Variants in FMN1 observed in about 807,000 individuals in gnomAD.
FMN1 encodes the protein formin 1.
FMN1 carries 110 observed loss-of-function variants against 132.4 expected under a neutral mutation model. The observed-to-expected ratio is 0.83, with a 90% CI of 0.71 to 0.97. FMN1 has a LOEUF of 0.97. FMN1 is among the 50% of genes least tolerant of loss of function. FMN1 has a pLI of 0.00. For missense variants in FMN1, 1,792 were observed against 1,705.3 expected (o/e 1.05, Z -0.90); for synonymous variants, 722 against 651.7 (o/e 1.11, Z -1.64).
chr15:32,794,576 A>G (rs2057213067), intron 19 of FMN1, among the ~76,000 whole-genome samples: 1 of 143,842 alleles, frequency 7.0e-6, no homozygotes, highest in Non-Finnish European at 1.6e-5. Context: ...GCCAAAAAAA[A>G]TAAAAAATAA....
At chr15:33,066,961 G>A in intron 5 of FMN1, 1 of 1,613,902 alleles carries the variant, frequency 6.2e-7, no homozygotes, top group Non-Finnish European at 8.5e-7. Context: ...GCGTCAATTT[G>A]AGCAAAGCTA....
intron 6 of FMN1, among the ~76,000 whole-genome samples, chr15:33,019,243 T>A (rs1285034174): frequency 6.6e-6 from 1 of 152,160 alleles, no homozygotes; most frequent in Admixed American, 6.5e-5. Context: ...CCCACTAGAT[T>A]AGCTAGATAC....
chr15:32,881,882 T>A (rs1050754244), intron 16 of FMN1, among the ~76,000 whole-genome samples: 2 of 152,290 alleles, frequency 1.3e-5, no homozygotes, highest in South Asian at 4.1e-4. Context: ...ATGGAAGAGA[T>A]AACAAAACCT....
At chr15:33,018,674 A>C (rs970051257) in intron 6 of FMN1, among the ~76,000 whole-genome samples, 2 of 152,042 alleles carry the variant, frequency 1.3e-5, no homozygotes, top group African/African-American at 4.8e-5. Flanking sequence ...GGTCTCACTG[A>C]CTTCAAGAAT....
rs1323941124 is a variant in FMN1, at chr15:32,769,791, A to G, written c.*4519T>C. 2.0e-5 allele frequency: 3 copies of G among 152,232 alleles called. No individual in the cohort carries two copies. Among genetic ancestry groups the G allele is most frequent in the Non-Finnish European group, 2.9e-5 (2 of 68,042 alleles). 9.4% of individuals were successfully genotyped at this position (152,232 alleles called of 1,614,324 possible). A position where few individuals can be genotyped will look rare whatever the true frequency, so the allele number is the denominator to read the frequency against. The stretch of plus-strand genomic sequence containing the variant: ...GAGGTCAAAGTAGCAGACATGAATG[A>G]AAGTTCACTTCTTTATTCTCTCCAC... On this transcript the variant is annotated 3_prime_UTR_variant, in exon 21 of 21. Transcript: ENST00000616417.
chr15:32,964,309 G>GT, intron 8 of FMN1, 52 bp from the exon 9 acceptor site: 1 of 1,250,194 alleles, frequency 8.0e-7, no homozygotes, highest in Non-Finnish European at 1.1e-6. Context: ...AGGAAGGAAT[G>GT]TAATACAATG....
At chr15:32,926,324 C>T (rs1318806013) in intron 9 of FMN1, 63 bp from the exon 10 acceptor site, 7 of 918,244 alleles carry the variant, frequency 7.6e-6, no homozygotes, top group Non-Finnish European at 9.8e-6. Context: ...TTTCAGGACG[C>T]ACACCAAAAA....
intron 9 of FMN1, among the ~76,000 whole-genome samples, chr15:32,954,911 ATGAGAATTGCT>A (rs1201550994): frequency 6.6e-6 from 1 of 152,200 alleles, no homozygotes; most frequent in Non-Finnish European, 1.5e-5. Context: ...AGGCTGAGGC[ATGAGAATTGCT>A]TGATGAACCT....
chr15:32,862,929 T>C (rs2059307131), intron 16 of FMN1, among the ~76,000 whole-genome samples: 1 of 152,228 alleles, frequency 6.6e-6, no homozygotes, highest in Non-Finnish European at 1.5e-5. Context: ...GCGCCAGTTC[T>C]GCCTCTTCCT....
chr15:33,078,677 A>G (rs2038323078), intron 5 of FMN1, among the ~76,000 whole-genome samples: 4 of 151,914 alleles, frequency 2.6e-5, no homozygotes, highest in Admixed American at 2.6e-4. Context: ...CATAAAAACC[A>G]GAACTTTATG....
intron 16 of FMN1, among the ~76,000 whole-genome samples, chr15:32,884,911 G>T (rs2059858880): frequency 1.3e-5 from 2 of 152,220 alleles, no homozygotes; most frequent in African/African-American, 4.8e-5. Flanking sequence ...AACACCGGCT[G>T]ATTATACAGG....
chr15:32,984,582 A>G (rs1176528088), intron 7 of FMN1, among the ~76,000 whole-genome samples: 2 of 152,188 alleles, frequency 1.3e-5, no homozygotes, highest in African/African-American at 4.8e-5. Context: ...TGAAGGATTA[A>G]TATCATATTG....
intron 6 of FMN1, among the ~76,000 whole-genome samples, chr15:33,049,061 C>T (rs1214798186): frequency 6.6e-6 from 1 of 152,194 alleles, no homozygotes. Flanking sequence ...AAGGTTTCAA[C>T]AAGTTGTGGA....
At chr15:33,121,951 A>G (rs1025842659) in intron 4 of FMN1, among the ~76,000 whole-genome samples, 7 of 152,250 alleles carry the variant, frequency 4.6e-5, no homozygotes, top group African/African-American at 1.4e-4. Context: ...TTGTGTTACC[A>G]ATTAATTCAT....
At chr15:33,155,811 G>A (rs1229794149) in intron 3 of FMN1, among the ~76,000 whole-genome samples, 5 of 152,068 alleles carry the variant, frequency 3.3e-5, no homozygotes, top group Admixed American at 2.0e-4. Context: ...CCACAGAAAC[G>A]GCTGAAATGT....
intron 4 of FMN1, among the ~76,000 whole-genome samples, chr15:33,123,087 T>C (rs2339190): frequency 0.12 from 17,458 of 150,710 alleles, 3,024 homozygotes; most frequent in African/African-American, 0.38. Context: ...AAGCCCAAAT[T>C]GTAGAATCAT....
At chr15:32,929,587 T>C (rs185441808) in intron 9 of FMN1, among the ~76,000 whole-genome samples, 1 of 152,300 alleles carries the variant, frequency 6.6e-6, no homozygotes, top group Non-Finnish European at 1.5e-5. Flanking sequence ...AGATTTCCAA[T>C]TCGCCGTTGT....
intron 4 of FMN1, among the ~76,000 whole-genome samples, chr15:33,109,264 A>T (rs1030174719): frequency 6.6e-6 from 1 of 152,118 alleles, no homozygotes; most frequent in African/African-American, 2.4e-5. Context: ...ATAGAAATCC[A>T]CTATAGTTTC....
intron 4 of FMN1, among the ~76,000 whole-genome samples, chr15:33,118,230 G>C (rs2040001625): frequency 6.6e-6 from 1 of 152,150 alleles, no homozygotes; most frequent in African/African-American, 2.4e-5. Flanking sequence ...TTAGTTGCTA[G>C]TTCCAACCAA....
Sources: gnomAD v4.1 joint callset for allele counts (sites outside exome capture counted in the v4.1 genomes callset) on GRCh38, gnomAD v4.1.1 for gene constraint, MANE v1.5 for transcripts, NCBI Gene and HGNC (gene_info 2026-07-23, HGNC 2026-07-21) for gene names.